The following SPATA16 variants were observed in gnomAD, a reference collection of about 807,000 sequenced individuals.
The protein encoded by SPATA16 is spermatogenesis-associated protein 16.
In SPATA16, 36 loss-of-function variants were observed where a neutral mutation model predicts 63.3. The observed-to-expected ratio is 0.57, with a 90% CI of 0.44 to 0.75. SPATA16 has a LOEUF of 0.75. SPATA16 is among the 30% of genes least tolerant of loss of function. SPATA16 has a pLI of 0.00. For synonymous variants in SPATA16, 203 were observed against 216.7 expected, an observed-to-expected ratio of 0.94 and a Z score of 0.56; for missense variants, 646 against 679.3, an observed-to-expected ratio of 0.95 and a Z score of 0.54.
chr3:173,130,902 A>G (rs1356737591), intron 1 of SPATA16, among the ~76,000 whole-genome samples: 1 of 152,240 alleles, frequency 6.6e-6, no homozygotes, highest in Non-Finnish European at 1.5e-5. Context: ...TAGGGTAAGT[A>G]ACAATACTTA....
chr3:172,907,638 C>T lies in SPATA16; in HGVS notation c.1587+6023G>A, dbSNP rs566762975. Among the ~76,000 whole-genome samples, 46 of 151,890 alleles carry T rather than the reference C, an allele frequency of 3.0e-4. No individual in the cohort carries two copies. In the South Asian group the frequency reaches 8.9e-3, roughly 29 times the overall value. On this transcript the variant is annotated intron_variant, in intron 10 of 10. Transcript: ENST00000351008. ...TTACCCAAGCAGGAGTGCAATGGCG[C>T]GATCTTGGCTCACTGCAACCTCTGC...
chr3:173,022,186 TA>T (rs143629760), intron 3 of SPATA16, among the ~76,000 whole-genome samples: 1,664 of 151,368 alleles, frequency 0.011, 23 homozygotes, highest in African/African-American at 0.032. Context: ...AGATAGGAAT[TA>T]AAAAAAAATT....
intron 3 of SPATA16, among the ~76,000 whole-genome samples, chr3:173,037,158 G>A (rs1392724336): frequency 6.6e-6 from 1 of 152,036 alleles, no homozygotes; most frequent in East Asian, 1.9e-4. Context: ...TGAAGATGAA[G>A]AAGCACATGG....
intron 1 of SPATA16, among the ~76,000 whole-genome samples, chr3:173,126,000 C>T (rs1738217311): frequency 6.7e-6 from 1 of 149,302 alleles, no homozygotes; most frequent in East Asian, 1.9e-4. Context: ...CTTTTTACAA[C>T]TTGGCTTCAA....
intron 3 of SPATA16, among the ~76,000 whole-genome samples, chr3:173,048,227 A>G (rs1272210012): frequency 6.6e-6 from 1 of 152,110 alleles, no homozygotes; most frequent in Non-Finnish European, 1.5e-5. Context: ...AGGGATAGAG[A>G]CATCACAATT....
chr3:173,101,829 A>T (rs926777449), intron 2 of SPATA16, among the ~76,000 whole-genome samples: 4 of 151,958 alleles, frequency 2.6e-5, no homozygotes, highest in Non-Finnish European at 5.9e-5. Context: ...ATCCTCCAAC[A>T]TCTGTCCTTT....
intron 6 of SPATA16, among the ~76,000 whole-genome samples, chr3:172,936,019 A>G (rs918467610): frequency 2.6e-5 from 4 of 152,240 alleles, no homozygotes; most frequent in Admixed American, 2.0e-4. Flanking sequence ...ATAAGAGTGG[A>G]AAAACACACA....
intron 10 of SPATA16, among the ~76,000 whole-genome samples, chr3:172,899,986 G>A (rs1171371489): frequency 6.6e-6 from 1 of 152,120 alleles, no homozygotes; most frequent in East Asian, 1.9e-4. Context: ...ATGAAGAGGA[G>A]AAGAAAAGTG....
chr3:172,969,534 A>G (rs953609732), intron 5 of SPATA16, among the ~76,000 whole-genome samples: 13 of 152,000 alleles, frequency 8.6e-5, no homozygotes, highest in Admixed American at 7.2e-4. Context: ...ATCCCACTCA[A>G]CTCTAGGAAT....
At chr3:172,918,966 G>A (rs939781852) in intron 8 of SPATA16, among the ~76,000 whole-genome samples, 2 of 152,108 alleles carry the variant, frequency 1.3e-5, no homozygotes, top group African/African-American at 2.4e-5. Context: ...TTTCCATTTG[G>A]CATAAGATAC....
At chr3:173,012,148 A>T (rs1735088314) in intron 4 of SPATA16, among the ~76,000 whole-genome samples, 1 of 152,174 alleles carries the variant, frequency 6.6e-6, no homozygotes, top group Non-Finnish European at 1.5e-5. Context: ...ATAATGTTCA[A>T]GCTCAGAGTC....
At chr3:172,999,041 C>A (rs546072346) in intron 4 of SPATA16, among the ~76,000 whole-genome samples, 1 of 151,784 alleles carries the variant, frequency 6.6e-6, no homozygotes, top group African/African-American at 2.4e-5. Flanking sequence ...ATTAGGATGA[C>A]GACAGCCTCA....
At chr3:172,994,062 G>T (rs1295526901) in intron 4 of SPATA16, among the ~76,000 whole-genome samples, 1 of 151,996 alleles carries the variant, frequency 6.6e-6, no homozygotes, top group African/African-American at 2.4e-5. Flanking sequence ...TACTTTTGTT[G>T]ACTTTTATAA....
intron 6 of SPATA16, among the ~76,000 whole-genome samples, chr3:172,951,943 T>C (rs1324580196): frequency 7.2e-5 from 11 of 152,240 alleles, no homozygotes; most frequent in Admixed American, 7.2e-4. Flanking sequence ...CATCTGTTGA[T>C]TATTTATTTA....
At chr3:172,906,491 A>G (rs1217560975) in intron 10 of SPATA16, among the ~76,000 whole-genome samples, 1 of 152,188 alleles carries the variant, frequency 6.6e-6, no homozygotes, top group African/African-American at 2.4e-5. Flanking sequence ...AGAACTGAAG[A>G]CAAACTGGGC....
chr3:173,096,865 A>G (rs1737366954), intron 2 of SPATA16, among the ~76,000 whole-genome samples: 1 of 152,124 alleles, frequency 6.6e-6, no homozygotes, highest in African/African-American at 2.4e-5. Flanking sequence ...ATGATGGAAT[A>G]TTATACAATC....
intron 8 of SPATA16, 55 bp from the exon 9 acceptor site, chr3:172,916,536 C>T (rs1352890568): frequency 1.2e-5 from 19 of 1,590,004 alleles, no homozygotes; most frequent in Admixed American, 5.0e-5. Flanking sequence ...ATAGACCTCT[C>T]CCCAGGGCTG....
At chr3:172,988,477 A>G (rs181711046) in intron 4 of SPATA16, among the ~76,000 whole-genome samples, 433 of 152,282 alleles carry the variant, frequency 2.8e-3, no homozygotes, top group African/African-American at 9.9e-3. Flanking sequence ...CAATATGCCA[A>G]TCGTGCTTGT....
chr3:172,942,147 A>G (rs187410314), intron 6 of SPATA16, among the ~76,000 whole-genome samples: 119 of 152,292 alleles, frequency 7.8e-4, no homozygotes, highest in African/African-American at 2.8e-3. Flanking sequence ...GTCAGGCACT[A>G]TTTAAGCCTA....
Sources: allele counts gnomAD v4.1 joint callset (sites outside exome capture counted in the v4.1 genomes callset), GRCh38; gene constraint gnomAD v4.1.1; transcripts MANE v1.5; gene names NCBI Gene and HGNC (gene_info 2026-07-23, HGNC 2026-07-21).